Variants in TRIM15 observed in about 807,000 individuals in gnomAD.
TRIM15 encodes the protein tripartite motif containing 15.
TRIM15 carries 35 observed loss-of-function variants against 35.8 expected under a neutral mutation model. The observed-to-expected ratio is 0.98, with a 90% CI of 0.75 to 1.30. TRIM15 has a LOEUF of 1.30. TRIM15 is among the 50% of genes most tolerant of loss of function. The pLI is 0.00. For synonymous variants in TRIM15, 252 were observed against 249.8 expected (o/e 1.01, Z -0.08); for missense variants, 590 against 593.5 (o/e 0.99, Z 0.06).
intron 1 of TRIM15, among the ~76,000 whole-genome samples, chr6:30,164,275 G>A (rs2127453636): frequency 6.6e-6 from 1 of 152,280 alleles, no homozygotes; most frequent in African/African-American, 2.4e-5. Flanking sequence ...TTCAGCTCCA[G>A]CTCTCAGAGG....
At position 30,168,392 on chromosome 6, in the gene TRIM15, G is replaced by A. The variant is rs1353213129; in HGVS notation, c.570G>A (p.Arg190=). The A allele has an allele frequency of 2.5e-6, 4 of 1,612,920 alleles. No homozygotes were observed. The highest frequency in any genetic ancestry group is 3.4e-6 in the Non-Finnish European group (4 of 1,180,016). Residue 190 remains arginine, a synonymous_variant, in exon 3 of 7, where the codon AGG becomes AGA. Coordinates refer to ENST00000376694, the MANE Select transcript of TRIM15 (RefSeq NM_033229.3). ...AGCAGCGATGTCTCCTGCTGGCCAG[G>A]CTGAGGGAGCTGGAGCAGCAGATTT... The part of the protein sequence containing the change: ...LEQQRCLLLA[R]LRELEQQIWK...
chr6:30,163,993 G>C lies in TRIM15; in HGVS notation c.309G>C (p.Val103=). The C allele has an allele frequency of 6.2e-7, 1 of 1,613,146 alleles. No homozygotes were observed. ...AGAACGATGCCGAGTTCCTCTGTGT[G>C]TTCTGCAGGGAGGGTCCCACGCACC... is the stretch of plus-strand genomic sequence containing the variant. ...FCENDAEFLC[V]FCREGPTHQA... The change falls in exon 1 of 7, where the codon GTG becomes GTC. Residue 103 remains valine (V), a synonymous_variant. Coordinates refer to ENST00000376694, the MANE Select transcript of TRIM15 (RefSeq NM_033229.3).
chr6:30,169,776 C>T, intron 4 of TRIM15: 1 of 348,488 alleles, frequency 2.9e-6, no homozygotes, highest in Non-Finnish European at 5.5e-6. Context: ...ATGGCCCTTT[C>T]CTTCCCTGTC....
chr6:30,163,989 G>A lies in TRIM15; in HGVS notation c.305G>A (p.Cys102Tyr). ...FFCENDAEFL[C>Y]VFCREGPTHQ... ...TGCGAGAACGATGCCGAGTTCCTCT[G>A]TGTGTTCTGCAGGGAGGGTCCCACG... The change falls in exon 1 of 7, where the codon TGT (cysteine) becomes TAT (tyrosine). Residue 102 changes from cysteine (C) to tyrosine (Y), a missense_variant. By Grantham distance (194) the Cys-to-Tyr change is radical. Transcript: ENST00000376694. 1 of 1,613,158 alleles carries A rather than the reference G, an allele frequency of 6.2e-7. No homozygotes were observed. Among genetic ancestry groups the A allele is most frequent in the Non-Finnish European group, 8.5e-7 (1 of 1,180,046 alleles).
chr6:30,168,635 G>A, intron 3 of TRIM15, 105 bp downstream of exon 3: 1 of 1,108,648 alleles, frequency 9.0e-7, no homozygotes, highest in South Asian at 1.3e-5. Flanking sequence ...GAAGTGGAGA[G>A]AGGTTAACGG....
chr6:30,165,330 A>C (rs1773521781), intron 1 of TRIM15, among the ~76,000 whole-genome samples: 2 of 151,912 alleles, frequency 1.3e-5, no homozygotes, highest in Non-Finnish European at 2.9e-5. Context: ...TTCACCTCCC[A>C]CTTATGAGTA....
chr6:30,170,898 T>A, intron 5 of TRIM15, 78 bp from the exon 6 acceptor site: 5 of 1,518,060 alleles, frequency 3.3e-6, no homozygotes, highest in Non-Finnish European at 4.5e-6. Flanking sequence ...CACATTGTAC[T>A]CAAGTCACCT....
chr6:30,165,292 C>T (rs1160225026), intron 1 of TRIM15, among the ~76,000 whole-genome samples: 1 of 152,118 alleles, frequency 6.6e-6, no homozygotes, highest in African/African-American at 2.4e-5. Flanking sequence ...TGTGATGTTC[C>T]CCTCCCTGTG....
At chr6:30,164,932 G>T (rs1246957434) in intron 1 of TRIM15, among the ~76,000 whole-genome samples, 1 of 152,042 alleles carries the variant, frequency 6.6e-6, no homozygotes, top group Non-Finnish European at 1.5e-5. Flanking sequence ...CCTCCTCAAG[G>T]CACCACGTGT....
chr6:30,165,986 G>A (rs372807354), intron 1 of TRIM15, among the ~76,000 whole-genome samples: 1 of 152,134 alleles, frequency 6.6e-6, no homozygotes, highest in Admixed American at 6.5e-5. Flanking sequence ...TAAGTTCTTT[G>A]TAGATTTTGG....
At chr6:30,169,152 T>A (rs148398333) in intron 3 of TRIM15, 89 bp from the exon 4 acceptor site, 77 of 1,493,712 alleles carry the variant, frequency 5.2e-5, no homozygotes, top group Non-Finnish European at 7.0e-5. Context: ...GAGTTTTGAG[T>A]TCATATTTTA....
At position 30,167,208 on chromosome 6, in the gene TRIM15, CA is replaced by C; in HGVS notation, c.415del (p.Thr139ArgfsTer9). On this transcript the variant is annotated frameshift_variant, in exon 2 of 7. Transcript: ENST00000376694. LOFTEE classifies it high-confidence loss of function. ...TCAGGAGTCGACTGGAAGCTCTGAG[CA>C]CGGAGAGAGATGAGATTGAGGATGT... Reference protein sequence around the residue: ...RLRSRLEALSTERDEIEDVKC... With the variant: ...RLRSRLEALSXERDEIEDVKC... 1 of 1,613,072 alleles carries C rather than the reference CA, an allele frequency of 6.2e-7. No individual in the cohort carries two copies. Among genetic ancestry groups the C allele is most frequent in the South Asian group, 1.1e-5 (1 of 91,080 alleles).
chr6:30,167,342 C>A, intron 2 of TRIM15, 71 bp downstream of exon 2: 1 of 1,281,476 alleles, frequency 7.8e-7, no homozygotes, highest in Non-Finnish European at 1.1e-6. Flanking sequence ...AACCCGTTGG[C>A]TGGTATCTGT....
chr6:30,163,718 G>GAGCT lies in TRIM15; in HGVS notation c.35_38dup (p.Pro14AlafsTer131), dbSNP rs763927141. On this transcript the variant is annotated frameshift_variant, in exon 1 of 7. Coordinates refer to ENST00000376694, the MANE Select transcript of TRIM15 (RefSeq NM_033229.3). LOFTEE classifies it high-confidence loss of function. ...AACCCCGTCCCTGAAGGTGGTCCAT[G>GAGCT]AGCTGCCTGCCTGTACCCTCTGTGC... The GAGCT allele has an allele frequency of 1.2e-6, 2 of 1,612,408 alleles. No individual in the cohort carries two copies. The highest frequency in any genetic ancestry group is 3.3e-5 in the Admixed American group (2 of 60,004).
intron 1 of TRIM15, among the ~76,000 whole-genome samples, chr6:30,166,926 A>G (rs1773640473): frequency 6.6e-6 from 1 of 152,176 alleles, no homozygotes; most frequent in Non-Finnish European, 1.5e-5. Flanking sequence ...CCTTAGGCCT[A>G]CAGGCAGAGC....
intron 6 of TRIM15, 136 bp from the exon 7 acceptor site, chr6:30,171,696 A>T: frequency 8.6e-7 from 1 of 1,165,764 alleles, no homozygotes; most frequent in Non-Finnish European, 1.2e-6. Context: ...GATTAGGTAG[A>T]AGGGCGGTTC....
intron 1 of TRIM15, 66 bp from the exon 2 acceptor site, chr6:30,167,110 T>C (rs1443580068): frequency 1.1e-5 from 16 of 1,397,132 alleles, no homozygotes; most frequent in Admixed American, 1.7e-5. Context: ...CAGGATGTGA[T>C]AGTTAATAAT....
chr6:30,168,977 C>T (rs1215370982), intron 3 of TRIM15, among the ~76,000 whole-genome samples: 1 of 152,160 alleles, frequency 6.6e-6, no homozygotes, highest in Non-Finnish European at 1.5e-5. Context: ...CTGCTCTCTA[C>T]CACCTCCTAA....
chr6:30,171,778 A>G, intron 6 of TRIM15, 54 bp from the exon 7 acceptor site: 1 of 1,460,898 alleles, frequency 6.8e-7, no homozygotes, highest in Non-Finnish European at 9.1e-7. Flanking sequence ...TGCCTGCTCT[A>G]GGAACATCTG....
Sources: allele counts gnomAD v4.1 joint callset (sites outside exome capture counted in the v4.1 genomes callset), GRCh38; gene constraint gnomAD v4.1.1; transcripts MANE v1.5; gene names NCBI Gene and HGNC (gene_info 2026-07-23, HGNC 2026-07-21).